The following COBLL1 variants were observed in gnomAD, a reference collection of about 807,000 sequenced individuals.
COBLL1 encodes the protein cordon-bleu WH2 repeat protein like 1.
Under a neutral mutation model 94.8 loss-of-function variants are expected in COBLL1, and 50 were observed. That is an observed-to-expected ratio of 0.53 (90% CI 0.42 to 0.67). The LOEUF (loss-of-function observed/expected upper bound fraction) is 0.67, where lower values mean the gene tolerates loss of function less well. Among genes scored for constraint, COBLL1 ranks in the 30% least tolerant of loss-of-function variants. The pLI is 0.00. For missense variants in COBLL1, 1,362 were observed against 1,348.7 expected (o/e 1.01, Z -0.15); for synonymous variants, 448 against 473.8 (o/e 0.95, Z 0.71).
chr2:164,667,676 T>G (rs1001924587), intron 1 of COBLL1, among the ~76,000 whole-genome samples: 11 of 152,204 alleles, frequency 7.2e-5, no homozygotes, highest in African/African-American at 1.9e-4. Flanking sequence ...TAGCTTCACA[T>G]TTTTCTTCTA....
chr2:164,676,688 T>TTC (rs1553466975), downstream of COBLL1, among the ~76,000 whole-genome samples: 3 of 149,386 alleles, frequency 2.0e-5, no homozygotes, highest in Non-Finnish European at 4.4e-5. Context: ...TTTTTTTTTT[T>TTC]CCCCCCCTTT....
intron 2 of COBLL1, among the ~76,000 whole-genome samples, chr2:164,778,224 C>A (rs1329618432): frequency 6.6e-6 from 1 of 152,136 alleles, no homozygotes; most frequent in Non-Finnish European, 1.5e-5. Flanking sequence ...AATAAAATGC[C>A]AGCTCAGAGG....
chr2:164,757,184 T>C (rs1329521366), intron 2 of COBLL1, among the ~76,000 whole-genome samples: 6 of 152,192 alleles, frequency 3.9e-5, no homozygotes, highest in Non-Finnish European at 8.8e-5. Flanking sequence ...CTATTAAGTA[T>C]TCAGTTAGAC....
At chr2:164,738,123 G>A (rs1288611981) in intron 3 of COBLL1, 2 of 152,032 alleles carry the variant, frequency 1.3e-5, no homozygotes, top group Admixed American at 1.3e-4. Context: ...TTGTGGTAAG[G>A]GCGTAAAAGA....
chr2:164,796,755 G>T lies in COBLL1; in HGVS notation c.41+44401C>A, dbSNP rs58616137. Among the ~76,000 whole-genome samples the T allele has an allele frequency of 4.2e-3, 621 of 147,052 alleles. 2 individuals carry two copies. Among genetic ancestry groups the T allele is most frequent in the African/African-American group, 0.014 (566 of 39,766 alleles). On this transcript the variant is annotated intron_variant, in intron 2 of 13. Transcript: ENST00000652658. ...GAGGGAAGGTCAAGGGGGAAGGATT[G>T]CTGAGGCCAGGAGTTTGAGATCAGC...
At chr2:164,809,658 G>A (rs947434642) in intron 2 of COBLL1, among the ~76,000 whole-genome samples, 3 of 151,884 alleles carry the variant, frequency 2.0e-5, no homozygotes, top group Admixed American at 6.6e-5. Flanking sequence ...ATAAGCTGTC[G>A]AATTAAAGTG....
intron 2 of COBLL1, among the ~76,000 whole-genome samples, chr2:164,832,936 G>A (rs1250806265): frequency 6.6e-6 from 1 of 152,154 alleles, no homozygotes. Context: ...CCAGCTACTC[G>A]AGAGGTTGAG....
In COBLL1 at chr2:164,705,054, T is replaced by C. The variant is rs756718050; in HGVS notation, c.1048A>G (p.Met350Val). Reference sequence around the variant, plus strand: ...CTCAAAGATGAATTCCCTGCAGACATGCTGCTGAGCTGCAGTGAACCTGCC... The same window carrying C: ...CTCAAAGATGAATTCCCTGCAGACACGCTGCTGAGCTGCAGTGAACCTGCC... ...VRAGSLQLSS[M>V]SAGNSSLRRT... is the part of the protein sequence containing the mutation. The change falls in exon 8 of 14, where the codon ATG becomes GTG. Residue 350 changes from methionine (M) to valine (V), a missense_variant. Met to Val is a conservative substitution (Grantham distance 21). Transcript: ENST00000652658. 8.1e-6 allele frequency: 13 copies of C among 1,601,922 alleles called. No homozygotes were observed. The highest frequency in any genetic ancestry group is 1.1e-5 in the Non-Finnish European group (13 of 1,174,332).
intron 1 of COBLL1, among the ~76,000 whole-genome samples, chr2:164,673,478 C>T (rs953136661): frequency 2.6e-5 from 4 of 152,072 alleles, no homozygotes; most frequent in Non-Finnish European, 4.4e-5. Flanking sequence ...AGCTTGAGAC[C>T]ACCCTGGCCA....
intron 2 of COBLL1, chr2:164,837,344 G>T: frequency 2.9e-6 from 1 of 341,190 alleles, no homozygotes; most frequent in East Asian, 9.1e-5. Flanking sequence ...TTTTCTAAGT[G>T]ATTAATGTCA....
chr2:164,679,363 G>A (rs1682942611), downstream of COBLL1, among the ~76,000 whole-genome samples: 4 of 151,976 alleles, frequency 2.6e-5, no homozygotes, highest in African/African-American at 9.7e-5. Flanking sequence ...ATTTTTCTCC[G>A]GTTTAGGCAA....
At chr2:164,658,549 A>T (rs1558899578) in intron 2 of COBLL1, among the ~76,000 whole-genome samples, 1 of 152,182 alleles carries the variant, frequency 6.6e-6, no homozygotes, top group African/African-American at 2.4e-5. Context: ...ATTGAAATGT[A>T]TGGCCTGCAG....
At chr2:164,836,497 T>C (rs1341794369) in intron 2 of COBLL1, among the ~76,000 whole-genome samples, 1 of 152,188 alleles carries the variant, frequency 6.6e-6, no homozygotes, top group Non-Finnish European at 1.5e-5. Context: ...ATGAAAAGCA[T>C]AGGTTTGGAA....
At position 164,674,338 on chromosome 2, in the gene COBLL1, C is replaced by T. The variant is rs540312762; in HGVS notation, n.127-8437G>A. On this transcript the variant is annotated intron_variant and non_coding_transcript_variant, in intron 1 of 2. Coordinates refer to the COBLL1 transcript ENST00000495084. ...CCTCCCAAAGTGCTGGCATTACAGG[C>T]GTGAACCACTGCGCCCAGCCAAAAT... 1.7e-3 allele frequency among the ~76,000 whole-genome samples: 264 copies of T among 152,220 alleles called. 1 individual carries two copies. Among genetic ancestry groups the T allele is most frequent in the Non-Finnish European group, 2.8e-3 (191 of 68,018 alleles).
chr2:164,734,986 A>G (rs978271107), intron 3 of COBLL1, among the ~76,000 whole-genome samples: 4 of 152,322 alleles, frequency 2.6e-5, no homozygotes, highest in African/African-American at 7.2e-5. Flanking sequence ...GGAGTTTACA[A>G]TGAGATTATA....
At chr2:164,756,955 G>A (rs1355289839) in intron 2 of COBLL1, among the ~76,000 whole-genome samples, 1 of 152,202 alleles carries the variant, frequency 6.6e-6, no homozygotes, top group Non-Finnish European at 1.5e-5. Flanking sequence ...AGGTTGCTGA[G>A]AGGGTTAAAT....
chr2:164,764,179 G>A (rs569620840), intron 2 of COBLL1, among the ~76,000 whole-genome samples: 3 of 152,278 alleles, frequency 2.0e-5, no homozygotes, highest in Non-Finnish European at 2.9e-5. Context: ...ATTACCAGGC[G>A]TGAGCCACCA....
chr2:164,800,977 AT>A (rs1359459989), intron 2 of COBLL1, among the ~76,000 whole-genome samples: 2 of 152,138 alleles, frequency 1.3e-5, no homozygotes, highest in Non-Finnish European at 2.9e-5. Flanking sequence ...AGTGGTGGGA[AT>A]TTTGTAAACA....
At chr2:164,785,360 GC>G (rs1688905926) in intron 2 of COBLL1, among the ~76,000 whole-genome samples, 1 of 152,180 alleles carries the variant, frequency 6.6e-6, no homozygotes, top group Non-Finnish European at 1.5e-5. Flanking sequence ...CTGCACCTCA[GC>G]CTGAGCAACA....
Sources: gnomAD v4.1 joint callset for allele counts (sites outside exome capture counted in the v4.1 genomes callset) on GRCh38, gnomAD v4.1.1 for gene constraint, MANE v1.5 for transcripts, NCBI Gene and HGNC (gene_info 2026-07-23, HGNC 2026-07-21) for gene names.